The following TNNI3K variants were observed in gnomAD, a reference collection of about 807,000 sequenced individuals.
TNNI3K encodes serine/threonine-protein kinase TNNI3K.
Under a neutral mutation model 114.5 loss-of-function variants are expected in TNNI3K, and 140 were observed. The observed-to-expected ratio is 1.22, with a 90% CI of 1.07 to 1.41. The LOEUF is 1.41. Among genes scored for constraint, TNNI3K ranks in the 40% most tolerant of loss-of-function variants. The pLI, the probability that TNNI3K is intolerant of heterozygous loss-of-function variation, is 0.00. For missense variants in TNNI3K, 1,125 were observed against 1,007.6 expected (o/e 1.12, Z -1.58); for synonymous variants, 347 against 347.5 (o/e 1.00, Z 0.02).
chr1:74,425,456 C>A lies in TNNI3K; in HGVS notation c.1773-10624C>A, dbSNP rs45550040. 7.8e-3 allele frequency among the ~76,000 whole-genome samples: 1,188 copies of A among 152,170 alleles called. 19 individuals are homozygous for A. The highest frequency in any genetic ancestry group is 0.028 in the African/African-American group (1,147 of 41,528). On this transcript the variant is annotated intron_variant, in intron 17 of 24. Coordinates refer to ENST00000326637, the MANE Select transcript of TNNI3K (RefSeq NM_015978.3). ...GATATTTATACAAAATATGAAATAA[C>A]AATTTGGTCTGATAACTAACGAATT...
intron 17 of TNNI3K, among the ~76,000 whole-genome samples, chr1:74,394,921 G>A (rs917051202): frequency 5.9e-5 from 9 of 151,926 alleles, no homozygotes; most frequent in Middle Eastern, 3.2e-3. Context: ...GCGGGCACCT[G>A]TAGTCCCAGC....
intron 17 of TNNI3K, among the ~76,000 whole-genome samples, chr1:74,410,481 A>G (rs1287353182): frequency 1.3e-5 from 2 of 152,236 alleles, no homozygotes; most frequent in Non-Finnish European, 2.9e-5. Flanking sequence ...CTCTTGAGAA[A>G]TAAGAAGATA....
At chr1:74,259,511 G>A (rs1655538157) in intron 4 of TNNI3K, among the ~76,000 whole-genome samples, 1 of 152,222 alleles carries the variant, frequency 6.6e-6, no homozygotes, top group South Asian at 2.1e-4. Context: ...GCAGGGCATA[G>A]TGGCTCATGC....
chr1:74,383,164 G>A (rs991728365), intron 17 of TNNI3K, among the ~76,000 whole-genome samples: 1 of 151,716 alleles, frequency 6.6e-6, no homozygotes, highest in African/African-American at 2.4e-5. Context: ...CAGACATTTA[G>A]CATTGAACTT....
intron 11 of TNNI3K, among the ~76,000 whole-genome samples, chr1:74,358,699 G>A (rs1278481678): frequency 3.3e-5 from 5 of 151,940 alleles, no homozygotes; most frequent in African/African-American, 1.2e-4. Context: ...AGGAATCCAT[G>A]TGTGAATTTT....
At chr1:74,338,265 G>T (rs1393942620) in intron 7 of TNNI3K, among the ~76,000 whole-genome samples, 4 of 151,526 alleles carry the variant, frequency 2.6e-5, no homozygotes, top group Non-Finnish European at 5.9e-5. Flanking sequence ...GTTTGAGTGT[G>T]ATCCATTTGG....
intron 23 of TNNI3K, among the ~76,000 whole-genome samples, chr1:74,505,598 C>G (rs1003069994): frequency 6.6e-6 from 1 of 152,024 alleles, no homozygotes; most frequent in African/African-American, 2.4e-5. Flanking sequence ...TGGACTATAT[C>G]TAAACCTCAT....
chr1:74,323,901 A>G (rs1659758204), intron 5 of TNNI3K, among the ~76,000 whole-genome samples: 1 of 152,220 alleles, frequency 6.6e-6, no homozygotes, highest in Non-Finnish European at 1.5e-5. Context: ...CGAAAAAGCC[A>G]TTTCTATGGA....
chr1:74,286,232 T>C (rs1657326250), intron 5 of TNNI3K, among the ~76,000 whole-genome samples: 1 of 152,162 alleles, frequency 6.6e-6, no homozygotes. Context: ...GCACCATGCC[T>C]ACCCCAGTGG....
intron 20 of TNNI3K, among the ~76,000 whole-genome samples, chr1:74,455,853 A>G (rs1312218881): frequency 2.0e-5 from 3 of 152,184 alleles, no homozygotes; most frequent in Admixed American, 2.0e-4. Flanking sequence ...CACTCAGTCT[A>G]TGACTCAAAT....
intron 5 of TNNI3K, among the ~76,000 whole-genome samples, chr1:74,300,137 A>C (rs960959478): frequency 1.3e-5 from 2 of 152,188 alleles, no homozygotes; most frequent in African/African-American, 4.8e-5. Flanking sequence ...ATTTTCAAGA[A>C]GCAGAAATCT....
chr1:74,456,496 C>A (rs1398151669), intron 20 of TNNI3K, among the ~76,000 whole-genome samples: 1 of 152,150 alleles, frequency 6.6e-6, no homozygotes, highest in East Asian at 1.9e-4. Flanking sequence ...CTCTCCTGGG[C>A]TTGTCTCCTC....
intron 21 of TNNI3K, 60 bp downstream of exon 21, chr1:74,463,610 T>G: frequency 6.3e-7 from 1 of 1,574,866 alleles, no homozygotes; most frequent in Non-Finnish European, 8.7e-7. Context: ...TCACAAATAG[T>G]ATAACTCCAA....
At chr1:74,301,491 T>C (rs1299861920) in intron 5 of TNNI3K, among the ~76,000 whole-genome samples, 3 of 151,932 alleles carry the variant, frequency 2.0e-5, no homozygotes, top group Admixed American at 2.0e-4. Context: ...GATCAATAGC[T>C]ATCACATCAA....
intron 5 of TNNI3K, among the ~76,000 whole-genome samples, chr1:74,304,977 CA>C (rs1658534072): frequency 6.6e-6 from 1 of 152,012 alleles, no homozygotes; most frequent in Non-Finnish European, 1.5e-5. Context: ...TTTGTGAGTT[CA>C]TTAGTTACAG....
At chr1:74,283,478 C>G (rs941470621) in intron 5 of TNNI3K, among the ~76,000 whole-genome samples, 16 of 152,144 alleles carry the variant, frequency 1.1e-4, no homozygotes, top group Non-Finnish European at 4.4e-5. Context: ...GGCATAGACT[C>G]TGTTAGCTTT....
intron 23 of TNNI3K, among the ~76,000 whole-genome samples, chr1:74,523,900 T>C (rs1039130890): frequency 2.6e-5 from 4 of 152,138 alleles, no homozygotes; most frequent in African/African-American, 7.2e-5. Flanking sequence ...CATTAAACAT[T>C]TCTCCTAATG....
chr1:74,465,880 T>A (rs930871428), intron 21 of TNNI3K, among the ~76,000 whole-genome samples: 3 of 152,104 alleles, frequency 2.0e-5, no homozygotes, highest in Non-Finnish European at 4.4e-5. Context: ...ATCAGCAGGA[T>A]GTGGGTGGGG....
chr1:74,254,869 A>T (rs748489276), intron 4 of TNNI3K, among the ~76,000 whole-genome samples: 1 of 152,214 alleles, frequency 6.6e-6, no homozygotes, highest in Admixed American at 6.5e-5. Context: ...CATCCACCCT[A>T]GGTACAATGC....
Sources: allele counts gnomAD v4.1 joint callset (sites outside exome capture counted in the v4.1 genomes callset), GRCh38; gene constraint gnomAD v4.1.1; transcripts MANE v1.5; gene names NCBI Gene and HGNC (gene_info 2026-07-23, HGNC 2026-07-21).